DIAPH2: variants seen among roughly 807,000 people sequenced by gnomAD.
The protein encoded by DIAPH2 is protein diaphanous homolog 2.
A neutral mutation model predicts 92.7 loss-of-function variants in DIAPH2; 35 were observed. That is an observed-to-expected ratio of 0.38 (90% confidence interval 0.29 to 0.50). DIAPH2 has a LOEUF of 0.50. Among genes scored for constraint, DIAPH2 ranks in the 20% least tolerant of loss-of-function variants. The pLI, the probability that DIAPH2 is intolerant of heterozygous loss-of-function variation, is 0.94. For missense variants in DIAPH2, 701 were observed against 819.5 expected (o/e 0.86, Z 1.77); for synonymous variants, 301 against 280.4 (o/e 1.07, Z -0.73).
At chrX:97,161,704 T>A (rs902724620) in intron 22 of DIAPH2, among the ~76,000 whole-genome samples, 1 of 111,986 alleles carries the variant, frequency 8.9e-6, no homozygotes, top group Non-Finnish European at 1.9e-5. Flanking sequence ...GAAAGTGCTA[T>A]TCTAGGAAAA....
intron 4 of DIAPH2, among the ~76,000 whole-genome samples, chrX:96,833,902 G>A (rs1403750296): frequency 9.0e-6 from 1 of 110,910 alleles, no homozygotes; most frequent in Admixed American, 9.6e-5. Flanking sequence ...CAAGTGATCT[G>A]CCCACCTCGC....
At chrX:96,968,575 GTTAT>G (rs1302844416) in intron 17 of DIAPH2, among the ~76,000 whole-genome samples, 2 of 111,573 alleles carry the variant, frequency 1.8e-5, no homozygotes, top group African/African-American at 3.3e-5. Context: ...TTTTAATGGG[GTTAT>G]TTGTTTTTTT....
chrX:96,861,783 C>T (rs5920743), intron 4 of DIAPH2, among the ~76,000 whole-genome samples: 5,930 of 111,483 alleles, frequency 0.053, 177 homozygotes, highest in Middle Eastern at 0.13. Context: ...TCCCTTTCCC[C>T]ACCCCATCTC....
In DIAPH2 at chrX:96,685,069, C is replaced by T. The variant is rs2063763238; in HGVS notation, c.11C>T (p.Pro4Leu). ...CAGGGCCGGAGAAAGATGGAGCAGC[C>T]CGGGGCGGCGGCGTCGGGAGCGGGA... MEQPGAAASGAGGG... is the reference protein window; with the variant it reads MEQLGAAASGAGGG... Residue 4 changes from proline (P) to leucine (L), a missense_variant, in exon 1 of 27, where the codon CCC (proline) becomes CTC (leucine). Physicochemically the swap from Pro to Leu is moderately conservative, Grantham distance 98 (BLOSUM62 -3). Around this residue, in one of 3 missense-constraint regions of DIAPH2, gnomAD observed 131 missense variants for 145.6 expected, o/e 0.90. Transcript: ENST00000324765. The T allele has an allele frequency of 9.0e-6, 9 of 1,003,083 alleles. No individual in the cohort carries two copies. The highest frequency in any genetic ancestry group is 1.1e-5 in the Non-Finnish European group (9 of 788,477). 82.7% of individuals were successfully genotyped at this position (1,003,083 alleles called of 1,213,427 possible). A position where few individuals can be genotyped will look rare whatever the true frequency, so the allele number is the denominator to read the frequency against.
At position 97,059,678 on chromosome X, in the gene DIAPH2, G is replaced by A. The variant is rs183286600; in HGVS notation, c.2051-13263G>A. On this transcript the variant is annotated intron_variant, in intron 17 of 26. Coordinates refer to ENST00000324765, the MANE Select transcript of DIAPH2 (RefSeq NM_006729.5). ...AATAAAGTAGGACAGAGATGAAAAC[G>A]TTGTGAAGAAAATTTTAAGACAGAG... 3.0e-3 allele frequency among the ~76,000 whole-genome samples: 334 copies of A among 112,156 alleles called. 2 individuals are homozygous for A. The highest frequency in any genetic ancestry group is 0.01 in the African/African-American group (318 of 30,902).
At chrX:96,972,168 T>C (rs748088449) in intron 17 of DIAPH2, among the ~76,000 whole-genome samples, 1 of 111,553 alleles carries the variant, frequency 9.0e-6, no homozygotes, top group Non-Finnish European at 1.9e-5. Context: ...CAAAACCTCT[T>C]AGACCAGTGT....
intron 23 of DIAPH2, among the ~76,000 whole-genome samples, chrX:97,279,495 G>T (rs1393622059): frequency 9.2e-6 from 1 of 109,287 alleles, no homozygotes; most frequent in Non-Finnish European, 1.9e-5. Context: ...GTAGAGACGG[G>T]ATTTCACCAT....
intron 26 of DIAPH2, among the ~76,000 whole-genome samples, chrX:97,493,259 T>TATTTATTC (rs1190322372): frequency 1.8e-5 from 2 of 110,846 alleles, no homozygotes; most frequent in Non-Finnish European, 3.8e-5. Context: ...TTTATTCATT[T>TATTTATTC]ATTTATTCAT....
At chrX:97,144,860 G>A (rs1470928120) in intron 22 of DIAPH2, among the ~76,000 whole-genome samples, 5 of 111,562 alleles carry the variant, frequency 4.5e-5, no homozygotes, top group African/African-American at 6.5e-5. Context: ...TGCCTCCCGC[G>A]CTCAAGCAAT....
At chrX:96,965,841 A>T (rs2065890457) in intron 17 of DIAPH2, among the ~76,000 whole-genome samples, 1 of 111,646 alleles carries the variant, frequency 9.0e-6, no homozygotes, top group Non-Finnish European at 1.9e-5. Flanking sequence ...TCTCAATCTC[A>T]TAATAGATCG....
intron 23 of DIAPH2, among the ~76,000 whole-genome samples, chrX:97,334,998 C>CAAAAAAAAAAAATAAAAAAAAAAAAAAAA (rs2069043026): frequency 3.2e-5 from 1 of 31,464 alleles, no homozygotes; most frequent in Non-Finnish European, 6.1e-5. Context: ...AAAAACAAAA[C>CAAAAAAAAAAAATAAAAAAAAAAAAAAAA]AAAAAAAAAA....
intron 22 of DIAPH2, among the ~76,000 whole-genome samples, chrX:97,193,051 C>T (rs1270767048): frequency 2.2e-5 from 2 of 90,920 alleles, no homozygotes; most frequent in African/African-American, 4.4e-5. Context: ...CTCTCTCTGT[C>T]GCCCAGGCTG....
chrX:97,411,472 G>T (rs2069872525), intron 25 of DIAPH2, among the ~76,000 whole-genome samples: 1 of 111,711 alleles, frequency 9.0e-6, no homozygotes, highest in Non-Finnish European at 1.9e-5. Flanking sequence ...AGACCATCGA[G>T]GCTAGGAAGA....
At chrX:96,793,486 C>A in intron 4 of DIAPH2, 1 of 289,070 alleles carries the variant, frequency 3.5e-6, no homozygotes. Flanking sequence ...ACTTTTTAAA[C>A]AACAGAAATG....
At chrX:96,929,502 T>C (rs894122354) in intron 9 of DIAPH2, among the ~76,000 whole-genome samples, 2 of 110,993 alleles carry the variant, frequency 1.8e-5, no homozygotes, top group Non-Finnish European at 3.8e-5. Flanking sequence ...TGAACATAGA[T>C]GTGAGGCAGA....
At chrX:97,545,826 G>A (rs1294046598) in intron 26 of DIAPH2, among the ~76,000 whole-genome samples, 1 of 107,994 alleles carries the variant, frequency 9.3e-6, no homozygotes, top group African/African-American at 3.4e-5. Context: ...TACCCTCTCG[G>A]TGGTAAATTG....
intron 21 of DIAPH2, among the ~76,000 whole-genome samples, chrX:97,123,301 G>A (rs1376561283): frequency 8.9e-6 from 1 of 111,924 alleles, no homozygotes; most frequent in Non-Finnish European, 1.9e-5. Flanking sequence ...TATGTCAGTG[G>A]TGACATTCTG....
At chrX:96,992,129 G>A (rs1180730114) in intron 17 of DIAPH2, among the ~76,000 whole-genome samples, 1 of 110,876 alleles carries the variant, frequency 9.0e-6, no homozygotes, top group East Asian at 2.8e-4. Flanking sequence ...GTTCATAGAT[G>A]TATACTTCAC....
At chrX:97,133,939 A>G (rs1378595197) in intron 21 of DIAPH2, among the ~76,000 whole-genome samples, 1 of 112,457 alleles carries the variant, frequency 8.9e-6, no homozygotes, top group African/African-American at 3.2e-5. Context: ...GATGTCTGCA[A>G]CTTACAATTT....
Sources: gnomAD v4.1 joint callset for allele counts (sites outside exome capture counted in the v4.1 genomes callset) on GRCh38, gnomAD v4.1.1 for gene constraint, gnomAD v4.1.1 regional missense constraint, MANE v1.5 for transcripts, NCBI Gene and HGNC (gene_info 2026-07-23, HGNC 2026-07-21) for gene names.